ZNF215: variants seen among roughly 807,000 people sequenced by gnomAD.
ZNF215 encodes the protein zinc finger protein 215.
In ZNF215, 24 loss-of-function variants were observed where a neutral mutation model predicts 27.2. The ratio of observed to expected loss-of-function variants is 0.88; its 90% CI spans 0.64 to 1.24. ZNF215 has a LOEUF of 1.24. Among genes scored for constraint, ZNF215 ranks in the 50% most tolerant of loss-of-function variants. The pLI is 0.00. For missense variants in ZNF215, 675 were observed against 605.7 expected, an observed-to-expected ratio of 1.11 and a Z score of -1.20; for synonymous variants, 210 against 204.0, an observed-to-expected ratio of 1.03 and a Z score of -0.25.
chr11:6,956,338 C>A lies in ZNF215; in HGVS notation c.1361C>A (p.Thr454Lys), dbSNP rs1432785249. The A allele has an allele frequency of 1.2e-6, 2 of 1,614,144 alleles. No homozygotes were observed. The highest frequency in any genetic ancestry group is 1.7e-5 in the Admixed American group (1 of 60,022). Residue 454 changes from threonine (T) to lysine (K), a missense_variant, in exon 7 of 7, where the codon ACA (threonine) becomes AAA (lysine). Physicochemically the swap from Thr to Lys is moderately conservative, Grantham distance 78 (BLOSUM62 -1). Transcript: ENST00000278319. ...FSKSEDSNNP[T>K]LHFGNNFYQC... ...AAAAGTGAAGACAGTAATAATCCAA[C>A]ACTCCATTTTGGAAACAATTTCTAT...
intron 6 of ZNF215, among the ~76,000 whole-genome samples, chr11:6,948,099 G>A (rs554005451): frequency 1.3e-5 from 2 of 152,294 alleles, no homozygotes; most frequent in East Asian, 1.9e-4. Context: ...CAGATTCAAG[G>A]AGAAGCAGAA....
intron 5 of ZNF215, among the ~76,000 whole-genome samples, chr11:6,963,593 A>AAT (rs1046994740): frequency 7.2e-5 from 11 of 151,950 alleles, no homozygotes; most frequent in Non-Finnish European, 1.2e-4. Context: ...AAAAGTTACA[A>AAT]ATATATATAT....
chr11:6,990,564 C>T (rs1324935964), downstream of ZNF215, among the ~76,000 whole-genome samples: 2 of 152,172 alleles, frequency 1.3e-5, no homozygotes, highest in African/African-American at 4.8e-5. Flanking sequence ...ACCTTACAAC[C>T]TCTGTATCTT....
At chr11:6,975,374 C>G (rs1304601513) in intron 5 of ZNF215, among the ~76,000 whole-genome samples, 2 of 151,900 alleles carry the variant, frequency 1.3e-5, no homozygotes, top group Non-Finnish European at 1.5e-5. Context: ...AGCATTTATC[C>G]TTTTTGTTAT....
chr11:6,932,201 T>C lies in ZNF215; in HGVS notation c.-72T>C, dbSNP rs1849285588. 6.5e-7 allele frequency: 1 copy of C among 1,546,776 alleles called. No homozygotes were observed. The highest frequency in any genetic ancestry group is 8.7e-7 in the Non-Finnish European group (1 of 1,145,860). On this transcript the variant is annotated 5_prime_UTR_variant, in exon 3 of 7. Coordinates refer to ENST00000278319, the MANE Select transcript of ZNF215 (RefSeq NM_013250.4). Reference sequence around the variant, plus strand: ...ACACTGCATATAGTACACAGGTGCTTAGCTCAAGCCTGAGAATTACTGCAA... The same window carrying C: ...ACACTGCATATAGTACACAGGTGCTCAGCTCAAGCCTGAGAATTACTGCAA...
At chr11:6,935,095 T>C (rs1849387684) in intron 3 of ZNF215, among the ~76,000 whole-genome samples, 2 of 152,192 alleles carry the variant, frequency 1.3e-5, no homozygotes, top group African/African-American at 4.8e-5. Context: ...TTCAAAAACA[T>C]TTCATGGAAA....
chr11:6,968,148 C>T (rs1366623664), intron 5 of ZNF215, among the ~76,000 whole-genome samples: 1 of 152,116 alleles, frequency 6.6e-6, no homozygotes, highest in Non-Finnish European at 1.5e-5. Context: ...GTCTATATAT[C>T]TGTTTTGGTA....
intron 4 of ZNF215, 57 bp from the exon 5 acceptor site, chr11:6,943,026 C>A: frequency 6.3e-7 from 1 of 1,577,896 alleles, no homozygotes; most frequent in African/African-American, 1.4e-5. Flanking sequence ...TCCATTCCTT[C>A]TCTGGTAGTG....
At chr11:6,942,846 T>C (rs1389207683) in intron 4 of ZNF215, among the ~76,000 whole-genome samples, 1 of 152,220 alleles carries the variant, frequency 6.6e-6, no homozygotes, top group Non-Finnish European at 1.5e-5. Context: ...TACTTTAGAA[T>C]AAGGACTGCA....
chr11:6,963,236 G>A (rs1850553366), intron 5 of ZNF215, among the ~76,000 whole-genome samples: 1 of 151,650 alleles, frequency 6.6e-6, no homozygotes, highest in Non-Finnish European at 1.5e-5. Context: ...CCCAACCCCA[G>A]CCCTCATGAC....
chr11:6,968,953 G>T (rs1850674207), intron 5 of ZNF215, among the ~76,000 whole-genome samples: 1 of 152,070 alleles, frequency 6.6e-6, no homozygotes. Flanking sequence ...AAAACAAGCT[G>T]CTTCTGGTTT....
chr11:6,978,259 G>A (rs971740603), intron 5 of ZNF215, among the ~76,000 whole-genome samples: 1 of 151,964 alleles, frequency 6.6e-6, no homozygotes, highest in Non-Finnish European at 1.5e-5. Context: ...CATGCAACAT[G>A]GATGAATAAA....
intron 3 of ZNF215, among the ~76,000 whole-genome samples, chr11:6,938,264 G>C (rs1849506076): frequency 6.6e-6 from 1 of 151,984 alleles, no homozygotes; most frequent in Non-Finnish European, 1.5e-5. Flanking sequence ...AGTCATTAGA[G>C]AATTGCAACT....
chr11:6,944,027 G>C (rs145324930), intron 6 of ZNF215, among the ~76,000 whole-genome samples: 1,530 of 152,318 alleles, frequency 0.01, 27 homozygotes, highest in African/African-American at 0.032. Flanking sequence ...TGTAATCCCA[G>C]CACTTTGGAA....
At chr11:6,961,021 T>G (rs1365181758), downstream of ZNF215, among the ~76,000 whole-genome samples, 1 of 152,146 alleles carries the variant, frequency 6.6e-6, no homozygotes, top group Non-Finnish European at 1.5e-5. Flanking sequence ...TTCTGGTGTT[T>G]CCATTGAATG....
At chr11:6,934,905 T>G (rs1849382070) in intron 3 of ZNF215, among the ~76,000 whole-genome samples, 1 of 152,166 alleles carries the variant, frequency 6.6e-6, no homozygotes. Context: ...AGCCTATTCT[T>G]GAGAAATCTA....
intron 5 of ZNF215, among the ~76,000 whole-genome samples, chr11:6,972,843 G>A (rs1944801074): frequency 6.6e-6 from 1 of 152,160 alleles, no homozygotes. Flanking sequence ...GAGCTGATCT[G>A]TCGAGAAATT....
chr11:6,943,243 T>C, intron 5 of ZNF215, 28 bp downstream of exon 5: 1 of 1,590,972 alleles, frequency 6.3e-7, no homozygotes, highest in Non-Finnish European at 8.5e-7. Context: ...ACCTAATCTG[T>C]CCATTTAGTA....
intron 4 of ZNF215, among the ~76,000 whole-genome samples, chr11:6,942,844 A>G (rs1345290761): frequency 6.6e-6 from 1 of 152,178 alleles, no homozygotes; most frequent in Non-Finnish European, 1.5e-5. Context: ...GCTACTTTAG[A>G]ATAAGGACTG....
Sources: allele counts gnomAD v4.1 joint callset (sites outside exome capture counted in the v4.1 genomes callset), GRCh38; gene constraint gnomAD v4.1.1; transcripts MANE v1.5; gene names NCBI Gene and HGNC (gene_info 2026-07-23, HGNC 2026-07-21).